Variants in SLC9C2 observed in about 807,000 individuals in gnomAD.
SLC9C2 encodes the protein solute carrier family 9 member C2 (putative), also known as sodium/hydrogen exchanger 11.
Under a neutral mutation model 140.2 loss-of-function variants are expected in SLC9C2, and 75 were observed. The observed-to-expected ratio is 0.53, with a 90% CI of 0.44 to 0.65. The LOEUF (loss-of-function observed/expected upper bound fraction) is 0.65. Ranked by LOEUF, SLC9C2 falls within the 30% of genes least tolerant of loss-of-function variation. The probability of loss-of-function intolerance (pLI) is 0.00; values close to 1 mark genes in which losing one functional copy is unlikely to be tolerated. For missense variants in SLC9C2, 1,074 were observed against 1,331.8 expected (o/e 0.81, Z 3.01); for synonymous variants, 375 against 420.9 (o/e 0.89, Z 1.34).
chr1:173,593,523 A>C (rs921919511), intron 4 of SLC9C2, among the ~76,000 whole-genome samples: 1 of 152,198 alleles, frequency 6.6e-6, no homozygotes, highest in Non-Finnish European at 1.5e-5. Context: ...CTGTCTCAAA[A>C]TAATAATAAC....
chr1:173,575,847 G>A (rs1199006000), intron 8 of SLC9C2, among the ~76,000 whole-genome samples: 1 of 152,062 alleles, frequency 6.6e-6, no homozygotes, highest in African/African-American at 2.4e-5. Context: ...CAAAGTGCTG[G>A]GATTACAGGC....
At position 173,548,372 on chromosome 1, in the gene SLC9C2, G is replaced by T; in HGVS notation, c.1461+17C>A. 1.3e-6 allele frequency: 2 copies of T among 1,598,016 alleles called. No homozygotes were observed. The highest frequency in any genetic ancestry group is 1.7e-6 in the Non-Finnish European group (2 of 1,174,294). On this transcript the variant is annotated intron_variant, in intron 12 of 27. Coordinates refer to ENST00000367714, the MANE Select transcript of SLC9C2 (RefSeq NM_178527.4). ...GGGAAGGAAAGGAAAACTACTTTTT[G>T]CCAGGTATCAACTCACAGGAATGTA...
intron 9 of SLC9C2, among the ~76,000 whole-genome samples, chr1:173,562,858 C>T (rs933096044): frequency 6.6e-6 from 1 of 152,104 alleles, no homozygotes; most frequent in Non-Finnish European, 1.5e-5. Flanking sequence ...ATCAAGAGAG[C>T]TGATCCCTTC....
chr1:173,549,717 G>A lies in SLC9C2; in HGVS notation c.1298-1165C>T, dbSNP rs75577159. 5.3e-4 allele frequency among the ~76,000 whole-genome samples: 81 copies of A among 152,216 alleles called. No homozygotes were observed. The East Asian group carries it at 0.015, about 28-fold the overall frequency. ...TGTACCACATGGTATTCCTAGAAACGATGAACATTGACTCTGAAAAGATAA... is the reference window on the plus strand; with the variant it reads ...TGTACCACATGGTATTCCTAGAAACAATGAACATTGACTCTGAAAAGATAA... On this transcript the variant is annotated intron_variant, in intron 11 of 27. Coordinates refer to ENST00000367714, the MANE Select transcript of SLC9C2 (RefSeq NM_178527.4).
At chr1:173,561,035 A>G (rs977187972) in intron 9 of SLC9C2, among the ~76,000 whole-genome samples, 1 of 152,052 alleles carries the variant, frequency 6.6e-6, no homozygotes, top group Admixed American at 6.5e-5. Flanking sequence ...ACCTCACATG[A>G]TCCACCTGCC....
At chr1:173,564,176 A>G (rs1189788069) in intron 9 of SLC9C2, among the ~76,000 whole-genome samples, 1 of 152,170 alleles carries the variant, frequency 6.6e-6, no homozygotes, top group African/African-American at 2.4e-5. Context: ...GGGAGTGCAG[A>G]TACTTCTTTG....
At chr1:173,535,280 A>G (rs1414584619) in intron 15 of SLC9C2, among the ~76,000 whole-genome samples, 2 of 152,184 alleles carry the variant, frequency 1.3e-5, no homozygotes, top group Non-Finnish European at 2.9e-5. Flanking sequence ...GGCATGTTCT[A>G]TTGGTATAAA....
At chr1:173,591,984 G>T (rs1468178456) in intron 4 of SLC9C2, among the ~76,000 whole-genome samples, 2 of 152,070 alleles carry the variant, frequency 1.3e-5, no homozygotes, top group Non-Finnish European at 2.9e-5. Context: ...ATCTTCCATG[G>T]TTTTTATAGT....
At chr1:173,504,438 C>T (rs1318975196) in intron 26 of SLC9C2, among the ~76,000 whole-genome samples, 5 of 152,130 alleles carry the variant, frequency 3.3e-5, no homozygotes, top group African/African-American at 7.2e-5. Flanking sequence ...ACTGAGAAAA[C>T]GTCACTCTTC....
intron 9 of SLC9C2, chr1:173,571,597 C>A (rs1175457972): frequency 6.6e-6 from 1 of 152,066 alleles, no homozygotes; most frequent in Non-Finnish European, 1.5e-5. Context: ...TTATTATTTT[C>A]TAATATATTA....
At chr1:173,554,867 A>G (rs2102089395) in intron 10 of SLC9C2, 53 bp from the exon 11 acceptor site, 2 of 1,059,072 alleles carry the variant, frequency 1.9e-6, no homozygotes, top group East Asian at 4.8e-5. Context: ...TAAGTTCTCC[A>G]AAAGCAATCA....
In SLC9C2 at chr1:173,533,718, T is replaced by A. The variant is rs1449128564; in HGVS notation, c.2054A>T (p.Asp685Val). 6.2e-7 allele frequency: 1 copy of A among 1,610,416 alleles called. No individual in the cohort carries two copies. ...EFFILVIGII[D>V]IFCVYFVKLR... ...TTTCACAAAGTATACACAAAAGATA[T>A]CAATGATTCCAATAACCAGGATAAA... Residue 685 changes from aspartate (D) to valine (V), a missense_variant, in exon 17 of 28, where the codon GAT (aspartate) becomes GTT (valine). By Grantham distance (152) the Asp-to-Val change is radical (BLOSUM62 -3). Coordinates refer to ENST00000367714, the MANE Select transcript of SLC9C2 (RefSeq NM_178527.4).
intron 2 of SLC9C2, among the ~76,000 whole-genome samples, chr1:173,600,552 G>T (rs1057412021): frequency 1.3e-5 from 2 of 151,940 alleles, no homozygotes; most frequent in Non-Finnish European, 2.9e-5. Flanking sequence ...GGTAGGCTAG[G>T]CTCAGTTATG....
chr1:173,599,362 ATTTTTTTTTTTTTTTTT>A (rs61579339), intron 3 of SLC9C2, among the ~76,000 whole-genome samples: 9,113 of 68,426 alleles, frequency 0.13, 1,457 homozygotes, highest in African/African-American at 0.4. Flanking sequence ...ATTTTCCTTG[ATTTTTTTTTTTTTTTTT>A]TTTTTTTTTT....
intron 18 of SLC9C2, among the ~76,000 whole-genome samples, chr1:173,529,334 G>A (rs1661407926): frequency 6.6e-6 from 1 of 152,118 alleles, no homozygotes. Context: ...CGAGTGACTG[G>A]TAATAGACAG....
At chr1:173,513,749 T>A (rs1262074084) in intron 23 of SLC9C2, among the ~76,000 whole-genome samples, 2 of 152,194 alleles carry the variant, frequency 1.3e-5, no homozygotes, top group Non-Finnish European at 2.9e-5. Flanking sequence ...GATGTTAGGG[T>A]GTTGATTTGA....
Position 173,581,961 on chromosome 1 carries a change from T to C in SLC9C2, c.688A>G (p.Ile230Val), listed in dbSNP as rs1030832419. 87 of 1,599,678 alleles carry C rather than the reference T, an allele frequency of 5.4e-5. No individual in the cohort carries two copies. In the East Asian group the frequency reaches 1.9e-3, roughly 36 times the overall value. Residue 230 changes from isoleucine (I) to valine (V), a missense_variant, in exon 7 of 28, where the codon ATA becomes GTA. Coordinates refer to ENST00000367714, the MANE Select transcript of SLC9C2 (RefSeq NM_178527.4). ...ELSYDILGSI[I>V]FGYWCAKIIQ... ...ATTTTTGCACACCAATATCCAAATA[T>C]TATGCTTCCCAAAATGTCATAGCTG...
chr1:173,598,082 A>C lies in SLC9C2; in HGVS notation c.229-50T>G, dbSNP rs368921446. 4.3e-5 allele frequency: 66 copies of C among 1,534,456 alleles called. No homozygotes were observed. In the African/African-American group the frequency reaches 8.5e-4, roughly 20 times the overall value. ...AATTAGTTTGCTACCATTTCCAAGT[A>C]TTAGAAACTAGGTTGATGCTGTCAA... On this transcript the variant is annotated intron_variant, in intron 3 of 27. Coordinates refer to ENST00000367714, the MANE Select transcript of SLC9C2 (RefSeq NM_178527.4).
rs539848859 is a variant in SLC9C2 at position 173,525,452 on chromosome 1, G to A, written c.2366-525C>T. Among the ~76,000 whole-genome samples, 6 of 152,190 alleles carry A rather than the reference G, an allele frequency of 3.9e-5. No individual in the cohort carries two copies. In the South Asian group the frequency reaches 8.3e-4, roughly 21 times the overall value. ...CATTGAACACAATGCTTGCCATATCGAAGGTACACACTCTTTTCTTTTTAA... is the reference window on the plus strand; with the variant it reads ...CATTGAACACAATGCTTGCCATATCAAAGGTACACACTCTTTTCTTTTTAA... On this transcript the variant is annotated intron_variant, in intron 19 of 27. Transcript: ENST00000367714.
Sources: gnomAD v4.1 joint callset for allele counts (sites outside exome capture counted in the v4.1 genomes callset) on GRCh38, gnomAD v4.1.1 for gene constraint, MANE v1.5 for transcripts, NCBI Gene and HGNC (gene_info 2026-07-23, HGNC 2026-07-21) for gene names.